The following NRXN3 variants were observed in gnomAD, a reference collection of about 807,000 sequenced individuals.
NRXN3 encodes the protein neurexin III.
Under a neutral mutation model 137.6 loss-of-function variants are expected in NRXN3, and 32 were observed. The observed-to-expected ratio is 0.23, with a 90% CI of 0.18 to 0.31. NRXN3 has a LOEUF of 0.31. NRXN3 is among the 10% of genes least tolerant of loss of function. The pLI is 1.00. For missense variants in NRXN3, 1,574 were observed against 2,062.5 expected, an observed-to-expected ratio of 0.76 and a Z score of 4.59; for synonymous variants, 798 against 784.5, an observed-to-expected ratio of 1.02 and a Z score of -0.29.
At chr14:79,224,171 C>G (rs1324444304) in intron 15 of NRXN3, among the ~76,000 whole-genome samples, 7 of 151,968 alleles carry the variant, frequency 4.6e-5, no homozygotes, top group Non-Finnish European at 8.8e-5. Context: ...AATTTTTTTC[C>G]TATGGTGATT....
Position 78,243,057 on chromosome 14 carries a change from C to A in NRXN3, c.-37C>A, listed in dbSNP as rs45622341. ...AGATCCTCTCCGGGCTGTTCCCTGG[C>A]CTGTCTGCTCCTCCGGGCTCTGTCC... On this transcript the variant is annotated 5_prime_UTR_variant, in exon 2 of 21. Coordinates refer to ENST00000335750, the MANE Select transcript of NRXN3 (RefSeq NM_001330195.2). The surrounding 1 kb of genome is among the most constrained non-coding windows in gnomAD (Gnocchi z 4.2). The A allele has an allele frequency of 6.1e-3, 8,695 of 1,432,988 alleles. 41 individuals carry two copies. The highest frequency in any genetic ancestry group is 6.9e-3 in the Non-Finnish European group (7,447 of 1,079,882). 88.8% of individuals were successfully genotyped at this position (1,432,988 alleles called of 1,614,324 possible). A position where few individuals can be genotyped will look rare whatever the true frequency, so the allele number is the denominator to read the frequency against.
chr14:79,763,366 A>AAT (rs1356659498), intron 19 of NRXN3, among the ~76,000 whole-genome samples: 13 of 151,796 alleles, frequency 8.6e-5, no homozygotes, highest in Non-Finnish European at 1.6e-4. Flanking sequence ...AATGATTTAT[A>AAT]CATACGTGTG....
chr14:79,618,444 T>C (rs531580908), intron 16 of NRXN3, among the ~76,000 whole-genome samples: 3 of 152,274 alleles, frequency 2.0e-5, no homozygotes, highest in Non-Finnish European at 4.4e-5. Flanking sequence ...ATGTGGTATT[T>C]GGTTTTCTGT....
At chr14:79,200,198 A>G (rs919824039) in intron 15 of NRXN3, among the ~76,000 whole-genome samples, 1 of 152,184 alleles carries the variant, frequency 6.6e-6, no homozygotes, top group African/African-American at 2.4e-5. Context: ...CAGTGAGAAT[A>G]CCCATTTATC....
At chr14:78,954,109 C>G (rs1242825823) in intron 10 of NRXN3, among the ~76,000 whole-genome samples, 2 of 152,136 alleles carry the variant, frequency 1.3e-5, no homozygotes, top group Non-Finnish European at 2.9e-5. Context: ...GTGTCTGCAT[C>G]TTGCATTACT....
At chr14:78,809,098 G>A (rs1451996800) in intron 9 of NRXN3, among the ~76,000 whole-genome samples, 1 of 151,926 alleles carries the variant, frequency 6.6e-6, no homozygotes, top group African/African-American at 2.4e-5. Context: ...GACCTTTTCT[G>A]CCCAGTCCCC....
At chr14:79,233,616 G>A (rs1409009035) in intron 15 of NRXN3, among the ~76,000 whole-genome samples, 1 of 151,540 alleles carries the variant, frequency 6.6e-6, no homozygotes, top group East Asian at 1.9e-4. Context: ...AATAACTTTA[G>A]TTCTTTTGAA....
At chr14:79,122,465 C>T (rs1242328573) in intron 15 of NRXN3, among the ~76,000 whole-genome samples, 3 of 152,036 alleles carry the variant, frequency 2.0e-5, no homozygotes, top group African/African-American at 7.2e-5. Flanking sequence ...AATGCTAATG[C>T]CATTAGCACT....
intron 4 of NRXN3, among the ~76,000 whole-genome samples, chr14:78,632,961 C>A (rs563997881): frequency 1.3e-5 from 2 of 151,810 alleles, no homozygotes; most frequent in African/African-American, 4.8e-5. Context: ...GTCGGCTGGG[C>A]GTAGTGGCTC....
intron 15 of NRXN3, among the ~76,000 whole-genome samples, chr14:79,232,846 A>G (rs943151650): frequency 3.3e-5 from 5 of 152,176 alleles, no homozygotes; most frequent in African/African-American, 1.2e-4. Context: ...TTCTTGTAGC[A>G]CCTCATCAAG....
At chr14:79,192,126 A>G (rs565354129) in intron 15 of NRXN3, among the ~76,000 whole-genome samples, 1 of 152,260 alleles carries the variant, frequency 6.6e-6, no homozygotes, top group African/African-American at 2.4e-5. Flanking sequence ...TGACCTTGTG[A>G]TCTGCCCACC....
chr14:79,692,665 T>G (rs772330429), intron 18 of NRXN3, among the ~76,000 whole-genome samples: 1 of 152,030 alleles, frequency 6.6e-6, no homozygotes, highest in African/African-American at 2.4e-5. Flanking sequence ...TGTTTTGGCT[T>G]GTAGCATGCT....
chr14:78,492,590 G>T (rs1276079431), intron 4 of NRXN3, among the ~76,000 whole-genome samples: 2 of 152,020 alleles, frequency 1.3e-5, no homozygotes, highest in East Asian at 3.9e-4. Context: ...ACATATAAAT[G>T]GGTGTTCACA....
At chr14:78,182,572 C>A (rs556936967) in intron 1 of NRXN3, among the ~76,000 whole-genome samples, 1 of 152,282 alleles carries the variant, frequency 6.6e-6, no homozygotes, top group South Asian at 2.1e-4. Context: ...CGGGTTCAAG[C>A]GATTCTCCTG....
At chr14:78,913,196 A>G (rs2099244137) in intron 10 of NRXN3, among the ~76,000 whole-genome samples, 1 of 151,240 alleles carries the variant, frequency 6.6e-6, no homozygotes, top group African/African-American at 2.4e-5. Flanking sequence ...GCTTCCTTAC[A>G]TTATAGATGA....
intron 15 of NRXN3, among the ~76,000 whole-genome samples, chr14:79,227,787 C>CCTTCCT (rs1568684670): frequency 2.8e-4 from 10 of 35,816 alleles, no homozygotes; most frequent in African/African-American, 1.0e-3. Context: ...CCTTCCTTCC[C>CCTTCCT]TCCTCCCTTC....
At chr14:78,938,848 CTTTTT>C (rs1255540319) in intron 10 of NRXN3, among the ~76,000 whole-genome samples, 1 of 132,034 alleles carries the variant, frequency 7.6e-6, no homozygotes, top group African/African-American at 2.8e-5. Flanking sequence ...AGTGATTTTT[CTTTTT>C]TTTTTTTTTT....
intron 15 of NRXN3, among the ~76,000 whole-genome samples, chr14:79,388,897 G>T (rs1486617209): frequency 6.6e-6 from 1 of 152,142 alleles, no homozygotes; most frequent in Non-Finnish European, 1.5e-5. Context: ...AGTCTCACGA[G>T]ATCTGGCGGT....
chr14:78,624,809 TTGTG>T (rs56948487), intron 4 of NRXN3, among the ~76,000 whole-genome samples: 2,037 of 149,362 alleles, frequency 0.014, 33 homozygotes, highest in African/African-American at 0.047. Flanking sequence ...TCCTGTTCCT[TTGTG>T]TGTGTGTGTG....
Sources: allele counts gnomAD v4.1 joint callset (sites outside exome capture counted in the v4.1 genomes callset), GRCh38; gene constraint gnomAD v4.1.1; non-coding constraint Gnocchi (gnomAD v3.1); transcripts MANE v1.5; gene names NCBI Gene and HGNC (gene_info 2026-07-23, HGNC 2026-07-21).